Variants in NDRG3 observed in about 807,000 individuals in gnomAD.
The protein encoded by NDRG3 is NDRG family member 3.
Under a neutral mutation model 57.2 loss-of-function variants are expected in NDRG3, and 23 were observed. That is an observed-to-expected ratio of 0.40 (90% CI 0.29 to 0.57). The LOEUF (loss-of-function observed/expected upper bound fraction) is 0.57. Ranked by LOEUF, NDRG3 falls within the 20% of genes least tolerant of loss-of-function variation. NDRG3 has a pLI of 0.42. For synonymous variants in NDRG3, 132 were observed against 162.6 expected, an observed-to-expected ratio of 0.81 and a Z score of 1.43; for missense variants, 384 against 457.3, an observed-to-expected ratio of 0.84 and a Z score of 1.46.
intron 2 of NDRG3, among the ~76,000 whole-genome samples, chr20:36,712,175 C>G (rs967257890): frequency 2.0e-5 from 3 of 151,658 alleles, no homozygotes; most frequent in African/African-American, 7.3e-5. Context: ...GAGTAATCAC[C>G]CTGGAAAATG....
At chr20:36,726,120 C>G (rs139177361) in intron 1 of NDRG3, among the ~76,000 whole-genome samples, 1 of 152,188 alleles carries the variant, frequency 6.6e-6, no homozygotes, top group East Asian at 1.9e-4. Flanking sequence ...ACAGGAGTTT[C>G]ACTATGTTGT....
chr20:36,684,264 T>C, intron 6 of NDRG3, 149 bp downstream of exon 6: 1 of 630,550 alleles, frequency 1.6e-6, no homozygotes, highest in South Asian at 2.1e-5. Flanking sequence ...TAGAACTTTA[T>C]TATTTGTTTG....
intron 1 of NDRG3, among the ~76,000 whole-genome samples, chr20:36,723,713 T>G (rs1214587637): frequency 2.1e-5 from 3 of 145,976 alleles, no homozygotes; most frequent in South Asian, 2.2e-4. Flanking sequence ...GTGTTTTTGT[T>G]TTTTTTTTTT....
chr20:36,682,690 T>C, intron 6 of NDRG3, 112 bp from the exon 7 acceptor site: 1 of 852,334 alleles, frequency 1.2e-6, no homozygotes, highest in Non-Finnish European at 1.9e-6. Flanking sequence ...ATTTATTAGA[T>C]GTGAGAATTT....
intron 13 of NDRG3, among the ~76,000 whole-genome samples, chr20:36,658,368 C>T (rs1462022073): frequency 6.6e-6 from 1 of 152,088 alleles, no homozygotes; most frequent in Non-Finnish European, 1.5e-5. Context: ...CTGGCCTCAG[C>T]TTCCCAAAGT....
chr20:36,701,827 C>T (rs1983246757), intron 3 of NDRG3, among the ~76,000 whole-genome samples: 1 of 145,648 alleles, frequency 6.9e-6, no homozygotes, highest in East Asian at 2.0e-4. Context: ...GGATTACAGG[C>T]GTGAGCCACT....
Position 36,682,519 on chromosome 20 carries a change from G to A in NDRG3, c.443C>T (p.Ala148Val), listed in dbSNP as rs1259869270. The change falls in exon 7 of 16, where the codon GCA (alanine) becomes GTA (valine). Residue 148 changes from alanine to valine, a missense_variant and splice_region_variant. Transcript: ENST00000349004. ...GAGAYILSRF[A>V]LNHPELVEGL... is the part of the protein sequence containing the mutation. ...GAGGCTAATCCTCTACATACTTACT[G>A]CAAATCTGCTGAGGATGTAAGCTCC... The A allele has an allele frequency of 1.2e-6, 2 of 1,613,288 alleles. No individual in the cohort carries two copies. Among genetic ancestry groups the A allele is most frequent in the East Asian group, 2.2e-5 (1 of 44,884 alleles).
At chr20:36,661,761 A>G (rs896677781) in intron 12 of NDRG3, among the ~76,000 whole-genome samples, 2 of 152,194 alleles carry the variant, frequency 1.3e-5, no homozygotes, top group Non-Finnish European at 2.9e-5. Context: ...TGTTTTTAAG[A>G]GAGCAGTGGC....
At chr20:36,663,053 T>C (rs755135991) in intron 12 of NDRG3, among the ~76,000 whole-genome samples, 1 of 152,196 alleles carries the variant, frequency 6.6e-6, no homozygotes, top group Admixed American at 6.5e-5. Flanking sequence ...TTTTGACAGT[T>C]TGGCAGCATG....
At chr20:36,695,797 C>T (rs1982733414) in intron 3 of NDRG3, among the ~76,000 whole-genome samples, 1 of 152,130 alleles carries the variant, frequency 6.6e-6, no homozygotes, top group Non-Finnish European at 1.5e-5. Context: ...GTGACCTTGC[C>T]CTATCCATTT....
Position 36,719,330 on chromosome 20 carries a change from A to G in NDRG3, c.57+2349T>C, listed in dbSNP as rs1600950366. 2.0e-5 allele frequency among the ~76,000 whole-genome samples: 3 copies of G among 151,284 alleles called. 1 individual carries two copies. Among genetic ancestry groups the G allele is most frequent in the Admixed American group, 2.0e-4 (3 of 15,142 alleles). On this transcript the variant is annotated intron_variant, in intron 2 of 15. Coordinates refer to ENST00000349004, the MANE Select transcript of NDRG3 (RefSeq NM_032013.4). The stretch of plus-strand genomic sequence containing the variant: ...TAGTCCCAGCTACTTGGGAGGCTGA[A>G]GCAGGAGAATCGCTTGAACCCGGGA...
Position 36,653,510 on chromosome 20 carries a change from G to A in NDRG3, c.*10C>T, listed in dbSNP as rs774063559. The A allele has an allele frequency of 1.9e-6, 3 of 1,612,602 alleles. No homozygotes were observed. Among genetic ancestry groups the A allele is most frequent in the Non-Finnish European group, 2.5e-6 (3 of 1,178,988 alleles). On this transcript the variant is annotated 3_prime_UTR_variant, in exon 16 of 16. Coordinates refer to ENST00000349004, the MANE Select transcript of NDRG3 (RefSeq NM_032013.4). This position sits in a 1 kb window ranked among gnomAD's most constrained non-coding sequence, Gnocchi z 4.2. Reference sequence around the variant, plus strand: ...ATGGACTTGCAATGGTCCAGGGGAGGAGCATCTGCTTAGCAGGACACCTCC... The same window carrying A: ...ATGGACTTGCAATGGTCCAGGGGAGAAGCATCTGCTTAGCAGGACACCTCC...
chr20:36,742,699 G>C (rs911078080), intron 1 of NDRG3, among the ~76,000 whole-genome samples: 1 of 152,062 alleles, frequency 6.6e-6, no homozygotes, highest in Non-Finnish European at 1.5e-5. Flanking sequence ...ATTAATATGG[G>C]AATGTTTAGA....
chr20:36,676,894 A>G (rs941756903), intron 8 of NDRG3, among the ~76,000 whole-genome samples: 2 of 152,250 alleles, frequency 1.3e-5, no homozygotes, highest in African/African-American at 4.8e-5. Flanking sequence ...GGTTGGGACC[A>G]GAGCCGCAGA....
chr20:36,675,191 C>T (rs1470887366), intron 8 of NDRG3, among the ~76,000 whole-genome samples: 2 of 150,480 alleles, frequency 1.3e-5, no homozygotes, highest in Non-Finnish European at 3.0e-5. Context: ...TCCCAAGTAG[C>T]TGGGATTACA....
intron 1 of NDRG3, among the ~76,000 whole-genome samples, chr20:36,741,844 C>G (rs761256386): frequency 5.3e-5 from 8 of 152,256 alleles, no homozygotes; most frequent in African/African-American, 1.7e-4. Flanking sequence ...CTCTGAAGGT[C>G]GAGCCCAGGA....
At chr20:36,696,550 G>A (rs1299971590) in intron 3 of NDRG3, among the ~76,000 whole-genome samples, 1 of 151,086 alleles carries the variant, frequency 6.6e-6, no homozygotes, top group Non-Finnish European at 1.5e-5. Context: ...CTGGAGTGCA[G>A]TGGCACAATC....
intron 2 of NDRG3, among the ~76,000 whole-genome samples, chr20:36,711,116 TAAA>T (rs577163182): frequency 1.8e-5 from 2 of 113,610 alleles, no homozygotes; most frequent in Non-Finnish European, 1.9e-5. Context: ...CCATCTCTAC[TAAA>T]AAAAAAAAAA....
intron 3 of NDRG3, among the ~76,000 whole-genome samples, chr20:36,699,993 G>T (rs1005519310): frequency 6.6e-6 from 1 of 151,474 alleles, no homozygotes; most frequent in African/African-American, 2.4e-5. Flanking sequence ...GGAGGCAAGC[G>T]CCTGTAATCC....
Sources: allele counts gnomAD v4.1 joint callset (sites outside exome capture counted in the v4.1 genomes callset), GRCh38; gene constraint gnomAD v4.1.1; non-coding constraint Gnocchi (gnomAD v3.1); transcripts MANE v1.5; gene names NCBI Gene and HGNC (gene_info 2026-07-23, HGNC 2026-07-21).